The following MRLN variants were observed in gnomAD, a reference collection of about 807,000 sequenced individuals.
MRLN encodes Linc-RNA activator of myogenesis.
chr10:59,743,210 G>GC (rs1317479568), intron 1 of MRLN, among the ~76,000 whole-genome samples: 2 of 44,026 alleles, frequency 4.5e-5, no homozygotes, highest in African/African-American at 1.8e-4. Context: ...ACCCGCCCCC[G>GC]CCCCCCACCA....
chr10:59,741,759 A>G (rs766692458), intron 1 of MRLN, among the ~76,000 whole-genome samples: 1 of 152,174 alleles, frequency 6.6e-6, no homozygotes, highest in Non-Finnish European at 1.5e-5. Flanking sequence ...AGCTCACTGT[A>G]ACCTTGAACT....
chr10:59,741,591 C>T (rs558192977), intron 1 of MRLN, among the ~76,000 whole-genome samples: 42 of 152,126 alleles, frequency 2.8e-4, no homozygotes, highest in African/African-American at 1.0e-3. Context: ...GCCACGTTGC[C>T]CAGGCTGATA....
rs182694413 is a variant in MRLN, at chr10:59,742,610, G to A, written c.-124-4048C>T. Among the ~76,000 whole-genome samples, 626 of 152,240 alleles carry A rather than the reference G, an allele frequency of 4.1e-3. 7 individuals carry two copies. Among genetic ancestry groups the A allele is most frequent in the African/African-American group, 0.014 (570 of 41,540 alleles). ...TTATACTAGCAATCACTTTTTAACT[G>A]TTTATTAAACTGTACATAGAAGCTT... On this transcript the variant is annotated intron_variant, in intron 1 of 2. Coordinates refer to ENST00000414264, the MANE Select transcript of MRLN (RefSeq NM_001304731.2).
intron 2 of MRLN, 145 bp from the exon 3 acceptor site, chr10:59,737,365 T>C (rs1840935849): frequency 8.3e-6 from 3 of 359,568 alleles, no homozygotes; most frequent in South Asian, 3.0e-4. Flanking sequence ...AACCAATCAA[T>C]GAAATAAAAT....
intron 1 of MRLN, chr10:59,739,485 T>C (rs1840958780): frequency 6.6e-6 from 1 of 152,228 alleles, no homozygotes; most frequent in South Asian, 2.1e-4. Context: ...TGTAAATAGC[T>C]GTTATGCTGT....
chr10:59,741,196 G>T (rs909837091), intron 1 of MRLN, among the ~76,000 whole-genome samples: 1 of 152,104 alleles, frequency 6.6e-6, no homozygotes. Flanking sequence ...AAAGTCTAGA[G>T]TAGTGTACAG....
intron 1 of MRLN, among the ~76,000 whole-genome samples, chr10:59,746,950 C>A (rs1841050020): frequency 6.6e-6 from 1 of 152,144 alleles, no homozygotes; most frequent in African/African-American, 2.4e-5. Flanking sequence ...CAGGCATGCA[C>A]CACCACGTCT....
chr10:59,753,143 C>T (rs1345679726), intron 1 of MRLN, among the ~76,000 whole-genome samples: 2 of 152,084 alleles, frequency 1.3e-5, no homozygotes, highest in Admixed American at 6.6e-5. Flanking sequence ...ATTCATTGGT[C>T]TCTCTTTATA....
chr10:59,749,143 T>TG (rs1246375158), intron 1 of MRLN, among the ~76,000 whole-genome samples: 2 of 152,284 alleles, frequency 1.3e-5, no homozygotes, highest in African/African-American at 2.4e-5. Context: ...ATCTGTCTTG[T>TG]GGGGGGTTGA....
chr10:59,738,683 G>A (rs1840949115), intron 1 of MRLN, 121 bp from the exon 2 acceptor site: 1 of 152,202 alleles, frequency 6.6e-6, no homozygotes, highest in Non-Finnish European at 1.5e-5. Flanking sequence ...GGAAGGAGAT[G>A]TCTAAGAGTG....
chr10:59,738,584 AG>A (rs1840948089), intron 1 of MRLN, 22 bp from the exon 2 acceptor site: 1 of 152,210 alleles, frequency 6.6e-6, no homozygotes, highest in Admixed American at 6.5e-5. Flanking sequence ...CATAGCAAAA[AG>A]TTTTACTGGA....
intron 1 of MRLN, among the ~76,000 whole-genome samples, chr10:59,747,131 A>G (rs943627535): frequency 1.6e-4 from 24 of 152,168 alleles, no homozygotes; most frequent in Non-Finnish European, 7.4e-5. Flanking sequence ...TATTTTTATT[A>G]TCTTTTACTA....
chr10:59,742,763 CTG>C (rs1206111570), intron 1 of MRLN, among the ~76,000 whole-genome samples: 1 of 151,406 alleles, frequency 6.6e-6, no homozygotes, highest in East Asian at 1.9e-4. Context: ...GAGTCTCACT[CTG>C]TATCCTAGCT....
rs2070189236 is a variant in MRLN, at chr10:59,753,455, T to C, written c.-226A>G. The stretch of plus-strand genomic sequence containing the variant: ...TGGTGGATCAGGAGGCTCACTGGTC[T>C]GTTATTAATAACTGGCTTAGAGCTT... On this transcript the variant is annotated 5_prime_UTR_variant, in exon 1 of 3. Transcript: ENST00000414264. 6.6e-6 allele frequency: 1 copy of C among 152,172 alleles called. No homozygotes were observed. Among genetic ancestry groups the C allele is most frequent in the Admixed American group, 6.5e-5 (1 of 15,282 alleles). 9.4% of individuals were successfully genotyped at this position (152,172 alleles called of 1,614,324 possible). A position where few individuals can be genotyped will look rare whatever the true frequency, so the allele number is the denominator to read the frequency against.
chr10:59,740,716 A>T (rs1197295037), intron 1 of MRLN, among the ~76,000 whole-genome samples: 1 of 152,142 alleles, frequency 6.6e-6, no homozygotes, highest in African/African-American at 2.4e-5. Flanking sequence ...TAAGAAAATT[A>T]AAAAGTTTAT....
chr10:59,743,461 A>T lies in MRLN; in HGVS notation c.-124-4899T>A, dbSNP rs184658759. On this transcript the variant is annotated intron_variant, in intron 1 of 2. Transcript: ENST00000414264. ...AGTATGTAACTTCTATGATAAGGCA[A>T]ATCTCTTCCACCATGAGGAACAGGA... Among the ~76,000 whole-genome samples, 603 of 152,272 alleles carry T rather than the reference A, an allele frequency of 4.0e-3. 5 individuals carry two copies. Among genetic ancestry groups the T allele is most frequent in the African/African-American group, 0.013 (551 of 41,540 alleles).
intron 1 of MRLN, among the ~76,000 whole-genome samples, chr10:59,750,805 C>T (rs951795441): frequency 2.6e-5 from 4 of 152,218 alleles, no homozygotes; most frequent in African/African-American, 4.8e-5. Context: ...CCCAACGCAG[C>T]GGTGCCAGCA....
intron 1 of MRLN, among the ~76,000 whole-genome samples, chr10:59,751,011 T>G (rs1438489266): frequency 1.3e-5 from 2 of 152,174 alleles, no homozygotes; most frequent in African/African-American, 4.8e-5. Context: ...CTTTTTTGAG[T>G]ATTCAAAGGC....
At position 59,737,161 on chromosome 10, in the gene MRLN, GA is replaced by G. The variant is rs1467946668; in HGVS notation, c.39del (p.Ser16ValfsTer2). On this transcript the variant is annotated frameshift_variant, in exon 3 of 3. Transcript: ENST00000414264. LOFTEE classifies it high-confidence loss of function. ...ACAATTTCATCTTCTAGACTTTTGG[GA>G]GTAGTAGTAGAAATTAATATCCAGT... The part of the protein sequence containing the change: ...GKNWILISTT[T>X]PKSLEDEIVG... 5 of 397,948 alleles carry G rather than the reference GA, an allele frequency of 1.3e-5. No individual in the cohort carries two copies. Among genetic ancestry groups the G allele is most frequent in the African/African-American group, 1.0e-4 (5 of 48,582 alleles). The allele number at this position is 397,948 out of a possible 1,614,324, so 24.7% of individuals were successfully genotyped here. A position where few individuals can be genotyped will look rare whatever the true frequency, so the allele number is the denominator to read the frequency against.
Sources: allele counts gnomAD v4.1 joint callset (sites outside exome capture counted in the v4.1 genomes callset), GRCh38; gene constraint gnomAD v4.1.1; transcripts MANE v1.5; gene names NCBI Gene and HGNC (gene_info 2026-07-23, HGNC 2026-07-21).